KRT38: variants seen among roughly 807,000 people sequenced by gnomAD.
KRT38 encodes keratin 38, also known as keratin, type I cuticular Ha8.
Under a neutral mutation model 43.1 loss-of-function variants are expected in KRT38, and 45 were observed. The observed-to-expected ratio is 1.04, with a 90% CI of 0.82 to 1.34. The LOEUF (loss-of-function observed/expected upper bound fraction) is 1.34. Among genes scored for constraint, KRT38 ranks in the 40% most tolerant of loss-of-function variants. KRT38 has a pLI of 0.00. For missense variants in KRT38, 627 were observed against 586.2 expected, an observed-to-expected ratio of 1.07 and a Z score of -0.72; for synonymous variants, 258 against 244.0, an observed-to-expected ratio of 1.06 and a Z score of -0.53.
chr17:41,438,685 C>A lies in KRT38; in HGVS notation c.894+12G>T, dbSNP rs985726459. On this transcript the variant is annotated intron_variant, in intron 4 of 6. Coordinates refer to ENST00000246646, the MANE Select transcript of KRT38 (RefSeq NM_006771.4). Reference sequence around the variant, plus strand: ...GCCAGGTACCCCCTGGTTCTATACCCCCCCCACTCACCTGGGCTTGGAACC... The same window carrying A: ...GCCAGGTACCCCCTGGTTCTATACCACCCCCACTCACCTGGGCTTGGAACC... 3.1e-6 allele frequency: 5 copies of A among 1,612,830 alleles called. No individual in the cohort carries two copies. Among genetic ancestry groups the A allele is most frequent in the East Asian group, 2.2e-5 (1 of 44,858 alleles).
At chr17:41,438,973 C>G in intron 3 of KRT38, 115 bp from the exon 4 acceptor site, 1 of 1,371,590 alleles carries the variant, frequency 7.3e-7, no homozygotes, top group Non-Finnish European at 1.0e-6. Context: ...CACACACAAG[C>G]AAATGGGAAA....
rs1448005542 is a variant in KRT38, at chr17:41,437,260, T to G, written c.*152A>C. On this transcript the variant is annotated 3_prime_UTR_variant, in exon 7 of 7. Coordinates refer to ENST00000246646, the MANE Select transcript of KRT38 (RefSeq NM_006771.4). ...AAAACCAAGAGCAGGAAAGGAAGGATTTCCATCAAGATTCCACTGTCCCTG... is the reference window on the plus strand; with the variant it reads ...AAAACCAAGAGCAGGAAAGGAAGGAGTTCCATCAAGATTCCACTGTCCCTG... 2 of 791,922 alleles carry G rather than the reference T, an allele frequency of 2.5e-6. No homozygotes were observed. The highest frequency in any genetic ancestry group is 3.6e-5 in the African/African-American group (2 of 55,362). The allele number at this position is 791,922 out of a possible 1,614,324, so 49.1% of individuals were successfully genotyped here.
In KRT38 at chr17:41,440,476, G is replaced by A; in HGVS notation, c.446C>T (p.Pro149Leu). ...RSKCHESTVC[P>L]DYQSYFHTIE... is the part of the protein sequence containing the mutation. ...GGTGTGGAAGTAAGACTGGTAGTCG[G>A]GGCACACGGTGGACTCGTGGCACTT... The change falls in exon 1 of 7, where the codon CCC becomes CTC. Residue 149 changes from proline to leucine, a missense_variant. Physicochemically the swap from Pro to Leu is moderately conservative, Grantham distance 98. Transcript: ENST00000246646. 1.2e-6 allele frequency: 2 copies of A among 1,614,178 alleles called. No homozygotes were observed. The highest frequency in any genetic ancestry group is 2.2e-5 in the South Asian group (2 of 91,082).
In KRT38 at chr17:41,440,749, C is replaced by T. The variant is rs774405257; in HGVS notation, c.173G>A (p.Gly58Glu). Residue 58 changes from glycine (G) to glutamate (E), a missense_variant, in exon 1 of 7, where the codon GGG becomes GAG. By Grantham distance (98) the Gly-to-Glu change is moderately conservative. Coordinates refer to ENST00000246646, the MANE Select transcript of KRT38 (RefSeq NM_006771.4). Reference sequence around the variant, plus strand: ...GCTGGGGCGGCCCAGGGGAGTGGACCCCACACGGACTCGGTTGGCATGTGC... The same window carrying T: ...GCTGGGGCGGCCCAGGGGAGTGGACTCCACACGGACTCGGTTGGCATGTGC... ...NVAHANRVRV[G>E]STPLGRPSLC... 6.2e-7 allele frequency: 1 copy of T among 1,613,752 alleles called. No individual in the cohort carries two copies.
chr17:41,439,345 C>T lies in KRT38; in HGVS notation c.590G>A (p.Arg197His), dbSNP rs779761569. The T allele has an allele frequency of 2.5e-5, 41 of 1,613,826 alleles. No homozygotes were observed. Among genetic ancestry groups the T allele is most frequent in the Middle Eastern group, 1.6e-4 (1 of 6,082 alleles). ...DDFRIKLESE[R>H]SLRQLVEADK... ...TGCCTCCACCAGCTGGCGCAGGGAG[C>T]GCTCACTCTCCAGCCTTTCATCACA... The change falls in exon 3 of 7, where the codon CGC becomes CAC. Residue 197 changes from arginine (R) to histidine (H), a missense_variant. By Grantham distance (29) the Arg-to-His change is conservative. Transcript: ENST00000246646.
Position 41,438,178 on chromosome 17 carries a change from C to G in KRT38, c.1156G>C (p.Glu386Gln), listed in dbSNP as rs768243573. The G allele has an allele frequency of 2.4e-5, 38 of 1,614,084 alleles. No individual in the cohort carries two copies. The highest frequency in any genetic ancestry group is 3.1e-5 in the Non-Finnish European group (36 of 1,180,032). The change falls in exon 6 of 7, where the codon GAG becomes CAG. Residue 386 changes from glutamate to glutamine, a missense_variant. By Grantham distance (29) the Glu-to-Gln change is conservative. Transcript: ENST00000246646. ...IRADLERQNQ[E>Q]YQVLLDVKTR... ...TTCACGTCCAGCAGCACCTGGTACTCCTGGTTTTGCCGCTCCAGGTCGGCC... is the reference window on the plus strand; with the variant it reads ...TTCACGTCCAGCAGCACCTGGTACTGCTGGTTTTGCCGCTCCAGGTCGGCC...
chr17:41,438,421 C>T lies in KRT38; in HGVS notation c.1020+70G>A, dbSNP rs138102118. 148 of 1,610,290 alleles carry T rather than the reference C, an allele frequency of 9.2e-5. No individual in the cohort carries two copies. In the African/African-American group the frequency reaches 1.8e-3, roughly 20 times the overall value. ...GTGGGAGAAACTTGGGTAGTGAGACCTCCAAAATAAAATGCTACTAGGCCA... is the reference window on the plus strand; with the variant it reads ...GTGGGAGAAACTTGGGTAGTGAGACTTCCAAAATAAAATGCTACTAGGCCA... On this transcript the variant is annotated intron_variant, in intron 5 of 6. Transcript: ENST00000246646.
At position 41,440,961 on chromosome 17, in the gene KRT38, G is replaced by A. The variant is rs564553945; in HGVS notation, c.-40C>T. ...GCTGCACAGGAGCTTCAGATCAGCT[G>A]GGAAAGCTGAACCACTGAGACTGAA... On this transcript the variant is annotated 5_prime_UTR_variant, in exon 1 of 7. Transcript: ENST00000246646. The A allele has an allele frequency of 6.0e-6, 9 of 1,512,388 alleles. No homozygotes were observed. The highest frequency in any genetic ancestry group is 1.4e-5 in the African/African-American group (1 of 71,656). 93.7% of individuals were successfully genotyped at this position (1,512,388 alleles called of 1,614,324 possible). A position where few individuals can be genotyped will look rare whatever the true frequency, so the allele number is the denominator to read the frequency against.
Position 41,440,174 on chromosome 17 carries a change from C to T in KRT38, c.562G>A (p.Asp188Asn). 1.9e-6 allele frequency: 3 copies of T among 1,614,178 alleles called. No individual in the cohort carries two copies. The highest frequency in any genetic ancestry group is 2.5e-6 in the Non-Finnish European group (3 of 1,180,028). Reference protein sequence around the residue: ...QIDNAKLAADDFRIKLESERS... With the variant: ...QIDNAKLAADNFRIKLESERS... ...CGCCTGACTTACTTGATCCTAAAGT[C>T]ATCGGCAGCCAGCTTGGCATTGTCA... Residue 188 changes from aspartate (D) to asparagine (N), a missense_variant, in exon 2 of 7, where the codon GAC (aspartate) becomes AAC (asparagine). Coordinates refer to ENST00000246646, the MANE Select transcript of KRT38 (RefSeq NM_006771.4).
At chr17:41,440,091 C>A in intron 2 of KRT38, 70 bp downstream of exon 2, 1 of 1,237,070 alleles carries the variant, frequency 8.1e-7, no homozygotes, top group East Asian at 2.3e-5. Context: ...TTCCCTCACT[C>A]AACAAGTATT....
Position 41,437,005 on chromosome 17 carries a change from C to G in KRT38, c.*407G>C, listed in dbSNP as rs188227683. 1.0e-3 allele frequency: 158 copies of G among 157,318 alleles called. No individual in the cohort carries two copies. The highest frequency in any genetic ancestry group is 3.7e-3 in the African/African-American group (155 of 41,782). 9.7% of individuals were successfully genotyped at this position (157,318 alleles called of 1,614,324 possible). A position where few individuals can be genotyped will look rare whatever the true frequency, so the allele number is the denominator to read the frequency against. ...CCAGGCTGCCAATGTTAGAAACAAC[C>G]CAAGAAATGTGGGAAATCTCAGACA... On this transcript the variant is annotated 3_prime_UTR_variant, in exon 7 of 7. Coordinates refer to ENST00000246646, the MANE Select transcript of KRT38 (RefSeq NM_006771.4).
At position 41,440,944 on chromosome 17, in the gene KRT38, G is replaced by A; in HGVS notation, c.-23C>T. 2.0e-6 allele frequency: 3 copies of A among 1,515,456 alleles called. No homozygotes were observed. The highest frequency in any genetic ancestry group is 2.6e-6 in the Non-Finnish European group (3 of 1,133,990). 93.9% of individuals were successfully genotyped at this position (1,515,456 alleles called of 1,614,324 possible). On this transcript the variant is annotated 5_prime_UTR_variant, in exon 1 of 7. Transcript: ENST00000246646. ...CATGGTGTTGGGCTGAGGCTGCACAGGAGCTTCAGATCAGCTGGGAAAGCT... is the reference window on the plus strand; with the variant it reads ...CATGGTGTTGGGCTGAGGCTGCACAAGAGCTTCAGATCAGCTGGGAAAGCT...
At chr17:41,437,662 C>G in intron 6 of KRT38, 121 bp from the exon 7 acceptor site, 2 of 1,047,062 alleles carry the variant, frequency 1.9e-6, no homozygotes, top group Non-Finnish European at 2.7e-6. Context: ...CAGCTGGACC[C>G]TGTGACCATT....
rs998082885 is a variant in KRT38, at chr17:41,438,103, C to T, written c.1231G>A (p.Glu411Lys). Residue 411 changes from glutamate (E) to lysine (K), a missense_variant, in exon 6 of 7, where the codon GAG becomes AAG. Coordinates refer to ENST00000246646, the MANE Select transcript of KRT38 (RefSeq NM_006771.4). Reference protein sequence around the residue: ...IATYRNLLESEDCKLPCNPCS... With the variant: ...IATYRNLLESKDCKLPCNPCS... ...CCAGATCACACGTACTTGCAGTCCTCGCTTTCCAGAAGGTTCCGGTACGTG... is the reference window on the plus strand; with the variant it reads ...CCAGATCACACGTACTTGCAGTCCTTGCTTTCCAGAAGGTTCCGGTACGTG... The T allele has an allele frequency of 1.9e-6, 3 of 1,614,016 alleles. No individual in the cohort carries two copies. The highest frequency in any genetic ancestry group is 1.1e-5 in the South Asian group (1 of 91,074).
At position 41,436,225 on chromosome 17, in the gene KRT38, G is replaced by A. The variant is rs902437063; in HGVS notation, c.*1187C>T. On this transcript the variant is annotated 3_prime_UTR_variant, in exon 7 of 7. Coordinates refer to ENST00000246646, the MANE Select transcript of KRT38 (RefSeq NM_006771.4). Reference sequence around the variant, plus strand: ...CAGTGGGCTAGGCTCTGGGGATGCAGCAATGAACAATTGTTAATCTTGGGT... The same window carrying A: ...CAGTGGGCTAGGCTCTGGGGATGCAACAATGAACAATTGTTAATCTTGGGT... Among the ~76,000 whole-genome samples the A allele has an allele frequency of 1.3e-5, 2 of 152,176 alleles. No homozygotes were observed. Among genetic ancestry groups the A allele is most frequent in the Admixed American group, 1.3e-4 (2 of 15,272 alleles).
At chr17:41,439,589 G>A (rs139739648) in intron 2 of KRT38, among the ~76,000 whole-genome samples, 4 of 152,272 alleles carry the variant, frequency 2.6e-5, no homozygotes, top group Non-Finnish European at 5.9e-5. Context: ...TGTATTCTGT[G>A]GCAACTGCAG....
chr17:41,440,581 C>T lies in KRT38; in HGVS notation c.341G>A (p.Arg114His), dbSNP rs571501521. The change falls in exon 1 of 7, where the codon CGC (arginine) becomes CAC (histidine). Residue 114 changes from arginine to histidine, a missense_variant. By Grantham distance (29) the Arg-to-His change is conservative. Coordinates refer to ENST00000246646, the MANE Select transcript of KRT38 (RefSeq NM_006771.4). ...CACCTTCTCCAGGTAGTTGGCCAGGCGGTCATTCAGGAACTGCATGGTCTC... is the reference window on the plus strand; with the variant it reads ...CACCTTCTCCAGGTAGTTGGCCAGGTGGTCATTCAGGAACTGCATGGTCTC... ...EKETMQFLND[R>H]LANYLEKVRQ... The T allele has an allele frequency of 9.3e-6, 15 of 1,614,194 alleles. No homozygotes were observed. The highest frequency in any genetic ancestry group is 2.2e-5 in the East Asian group (1 of 44,876).
Position 41,438,243 on chromosome 17 carries a change from C to A in KRT38, c.1091G>T (p.Ser364Ile). ...CTGCTCCTCCACGTTGCTGATGAGGCTCTGCATCTGGGCCAGCTCCGTGCC... is the reference window on the plus strand; with the variant it reads ...CTGCTCCTCCACGTTGCTGATGAGGATCTGCATCTGGGCCAGCTCCGTGCC... ...RFGTELAQMQSLISNVEEQLS... is the reference protein window; with the variant it reads ...RFGTELAQMQILISNVEEQLS... Residue 364 changes from serine to isoleucine, a missense_variant, in exon 6 of 7, where the codon AGC becomes ATC. Coordinates refer to ENST00000246646, the MANE Select transcript of KRT38 (RefSeq NM_006771.4). 1 of 1,614,174 alleles carries A rather than the reference C, an allele frequency of 6.2e-7. No homozygotes were observed. Among genetic ancestry groups the A allele is most frequent in the Non-Finnish European group, 8.5e-7 (1 of 1,180,020 alleles).
chr17:41,440,774 C>T lies in KRT38; in HGVS notation c.148G>A (p.Ala50Thr), dbSNP rs748880289. The T allele has an allele frequency of 1.1e-5, 17 of 1,613,094 alleles. No homozygotes were observed. The African/African-American group carries it at 1.1e-4, about 10-fold the overall frequency. Residue 50 changes from alanine to threonine, a missense_variant, in exon 1 of 7, where the codon GCA (alanine) becomes ACA (threonine). Ala to Thr is a moderately conservative substitution (Grantham distance 58, BLOSUM62 0). Coordinates refer to ENST00000246646, the MANE Select transcript of KRT38 (RefSeq NM_006771.4). ...CCCACACGGACTCGGTTGGCATGTG[C>T]CACGTTGGCCAAAAGGCACATGGGG... ...IAPMCLLANV[A>T]HANRVRVGST...
Sources: gnomAD v4.1 joint callset for allele counts (sites outside exome capture counted in the v4.1 genomes callset) on GRCh38, gnomAD v4.1.1 for gene constraint, MANE v1.5 for transcripts, NCBI Gene and HGNC (gene_info 2026-07-23, HGNC 2026-07-21) for gene names.